Variants in IQCB1 observed in about 807,000 individuals in gnomAD.
IQCB1 encodes the protein IQ calmodulin-binding motif-containing protein 1.
In IQCB1, 56 loss-of-function variants were observed where a neutral mutation model predicts 84.4. The observed-to-expected ratio is 0.66, with a 90% CI of 0.54 to 0.83. The LOEUF is 0.83. IQCB1 is among the 40% of genes least tolerant of loss of function. The pLI is 0.00. For synonymous variants in IQCB1, 210 were observed against 234.8 expected (o/e 0.89, Z 0.96); for missense variants, 629 against 682.1 (o/e 0.92, Z 0.87).
At chr3:121,787,768 C>T (rs956925891) in intron 12 of IQCB1, among the ~76,000 whole-genome samples, 1 of 149,318 alleles carries the variant, frequency 6.7e-6, no homozygotes, top group African/African-American at 2.5e-5. Flanking sequence ...AAAAAAAATA[C>T]AATTCTACAA....
rs532881481 is a variant in IQCB1, at chr3:121,786,754, C to T, written c.1278+1530G>A. ...GCCTTCGTAGCCTTCAGATATGTTC[C>T]TATGATGACCCCTACTTTTTTCTCT... On this transcript the variant is annotated intron_variant, in intron 12 of 14. Transcript: ENST00000310864. 1.4e-4 allele frequency among the ~76,000 whole-genome samples: 22 copies of T among 152,220 alleles called. No individual in the cohort carries two copies. In the South Asian group the frequency reaches 4.6e-3, roughly 32 times the overall value.
At position 121,781,872 on chromosome 3, in the gene IQCB1, C is replaced by T. The variant is rs201319850; in HGVS notation, c.1281G>A (p.Ala427=). Residue 427 remains alanine, a splice_region_variant and synonymous_variant, in exon 13 of 15, where the codon GCG becomes GCA. Coordinates refer to ENST00000310864, the MANE Select transcript of IQCB1 (RefSeq NM_001023570.4). Reference sequence around the variant, plus strand: ...TACGGCACTTCGCTAGGAATTTAAGCGCCTGGAAGAAAAAAAATTGAAGGT... The same window carrying T: ...TACGGCACTTCGCTAGGAATTTAAGTGCCTGGAAGAAAAAAAATTGAAGGT... ...YKAAVTLQRA[A]LKFLAKCRKK... 162 of 1,612,464 alleles carry T rather than the reference C, an allele frequency of 1.0e-4. No homozygotes were observed. The highest frequency in any genetic ancestry group is 1.3e-4 in the Admixed American group (8 of 59,918).
At chr3:121,831,174 C>G (rs1464765702) in intron 2 of IQCB1, among the ~76,000 whole-genome samples, 13 of 67,920 alleles carry the variant, frequency 1.9e-4, no homozygotes, top group Admixed American at 1.7e-3. Flanking sequence ...CATTTGTATC[C>G]TAGTATTTTT....
At chr3:121,831,744 G>A (rs981136083) in intron 2 of IQCB1, among the ~76,000 whole-genome samples, 4 of 152,152 alleles carry the variant, frequency 2.6e-5, no homozygotes, top group Non-Finnish European at 4.4e-5. Context: ...GTCATGATGT[G>A]AGAGCAAAAA....
At chr3:121,774,817 G>A (rs1948155344) in intron 13 of IQCB1, among the ~76,000 whole-genome samples, 1 of 152,080 alleles carries the variant, frequency 6.6e-6, no homozygotes, top group Non-Finnish European at 1.5e-5. Context: ...AAGATGGGAT[G>A]GTGGTGAAGC....
At chr3:121,802,103 A>G (rs935702875) in intron 7 of IQCB1, among the ~76,000 whole-genome samples, 1 of 151,822 alleles carries the variant, frequency 6.6e-6, no homozygotes, top group African/African-American at 2.4e-5. Context: ...CTTTTCTTAT[A>G]ATGTCTTTGT....
chr3:121,797,271 A>G (rs769307827), intron 8 of IQCB1, 44 bp from the exon 9 acceptor site: 22 of 893,510 alleles, frequency 2.5e-5, no homozygotes, highest in Non-Finnish European at 3.7e-5. Context: ...TATAATAATA[A>G]AATATGATTT....
intron 5 of IQCB1, among the ~76,000 whole-genome samples, chr3:121,824,424 T>C (rs776428872): frequency 2.0e-5 from 3 of 152,186 alleles, no homozygotes; most frequent in Non-Finnish European, 4.4e-5. Flanking sequence ...TTTAATATTT[T>C]TGAACCACTA....
chr3:121,780,309 T>C (rs1433465929), intron 13 of IQCB1, among the ~76,000 whole-genome samples: 2 of 152,230 alleles, frequency 1.3e-5, no homozygotes, highest in Non-Finnish European at 2.9e-5. Flanking sequence ...TTGTTCTTTG[T>C]TGTCTGATGT....
rs371873084 is a variant in IQCB1, at chr3:121,790,031, C to T, written c.1129+42G>A. ...GAAAAGTTGGTTTGTTAAAAGATAA[C>T]CTAAATATTCTTATATTGATAAAGT... On this transcript the variant is annotated intron_variant, in intron 11 of 14. Transcript: ENST00000310864. The T allele has an allele frequency of 1.5e-5, 23 of 1,570,282 alleles. No homozygotes were observed. The South Asian group carries it at 2.0e-4, about 14-fold the overall frequency.
chr3:121,811,802 C>T (rs564198190), intron 5 of IQCB1, among the ~76,000 whole-genome samples: 7 of 152,328 alleles, frequency 4.6e-5, no homozygotes, highest in African/African-American at 1.7e-4. Context: ...TCCCATCTCC[C>T]TGGGACAGCG....
intron 10 of IQCB1, among the ~76,000 whole-genome samples, chr3:121,791,048 C>T (rs1477931565): frequency 2.0e-5 from 3 of 152,122 alleles, no homozygotes; most frequent in African/African-American, 7.2e-5. Flanking sequence ...TGTAAGGAGA[C>T]TACAAGTGTC....
At chr3:121,798,586 T>C (rs1209213874) in intron 8 of IQCB1, among the ~76,000 whole-genome samples, 1 of 151,944 alleles carries the variant, frequency 6.6e-6, no homozygotes, top group East Asian at 1.9e-4. Flanking sequence ...CATAGGATTG[T>C]TGTAAAGATT....
chr3:121,824,258 C>A (rs1338464482), intron 5 of IQCB1, among the ~76,000 whole-genome samples: 1 of 152,014 alleles, frequency 6.6e-6, no homozygotes, highest in Admixed American at 6.6e-5. Flanking sequence ...AAAACTGAGA[C>A]CAGCTACTAA....
In IQCB1 at chr3:121,770,546, C is replaced by T. The variant is rs1367283930; in HGVS notation, c.1596G>A (p.Gly532=). The change falls in exon 15 of 15, where the codon GGG becomes GGA. Residue 532 remains glycine (G), a synonymous_variant. Coordinates refer to ENST00000310864, the MANE Select transcript of IQCB1 (RefSeq NM_001023570.4). ...TACTTAGGAAGAGCTCAGGTTCTTTCCCTTCTGCCTCCTTCAGACTTGGTG... is the reference window on the plus strand; with the variant it reads ...TACTTAGGAAGAGCTCAGGTTCTTTTCCTTCTGCCTCCTTCAGACTTGGTG... ...MKAPSLKEAE[G]KEPELFLSRS... is the part of the protein sequence containing the mutation. 1 of 1,613,978 alleles carries T rather than the reference C, an allele frequency of 6.2e-7. No individual in the cohort carries two copies. Among genetic ancestry groups the T allele is most frequent in the South Asian group, 1.1e-5 (1 of 91,076 alleles).
chr3:121,783,579 T>G (rs1034540329), intron 12 of IQCB1, among the ~76,000 whole-genome samples: 1 of 152,224 alleles, frequency 6.6e-6, no homozygotes, highest in African/African-American at 2.4e-5. Flanking sequence ...ATACTACCGA[T>G]TATATTTTAC....
chr3:121,815,387 C>T (rs1288691446), intron 5 of IQCB1, among the ~76,000 whole-genome samples: 4 of 152,188 alleles, frequency 2.6e-5, no homozygotes, highest in Non-Finnish European at 5.9e-5. Context: ...CCCTATTCAA[C>T]ATAGTATTGG....
chr3:121,780,683 C>T (rs996731477), intron 13 of IQCB1, among the ~76,000 whole-genome samples: 4 of 152,136 alleles, frequency 2.6e-5, no homozygotes, highest in Non-Finnish European at 5.9e-5. Context: ...TATATTTGTA[C>T]TTCATTTCCA....
intron 13 of IQCB1, among the ~76,000 whole-genome samples, chr3:121,780,805 A>C (rs1161149128): frequency 6.6e-6 from 1 of 152,176 alleles, no homozygotes; most frequent in Non-Finnish European, 1.5e-5. Context: ...CAAGCCTCTA[A>C]CATCAGTTAT....
Sources: gnomAD v4.1 joint callset for allele counts (sites outside exome capture counted in the v4.1 genomes callset) on GRCh38, gnomAD v4.1.1 for gene constraint, MANE v1.5 for transcripts, NCBI Gene and HGNC (gene_info 2026-07-23, HGNC 2026-07-21) for gene names.